Variants in SMC1B observed in about 807,000 individuals in gnomAD.
SMC1B encodes the protein structural maintenance of chromosomes protein 1B.
A neutral mutation model predicts 157.9 loss-of-function variants in SMC1B; 60 were observed. That is an observed-to-expected ratio of 0.38 (90% CI 0.31 to 0.47). SMC1B has a LOEUF of 0.47. SMC1B is among the 20% of genes least tolerant of loss of function. The pLI is 0.99. For missense variants in SMC1B, 1,165 were observed against 1,426.2 expected (o/e 0.82, Z 2.95); for synonymous variants, 445 against 483.0 (o/e 0.92, Z 1.03).
chr22:45,404,378 G>A (rs556167714), intron 4 of SMC1B, among the ~76,000 whole-genome samples: 5 of 152,260 alleles, frequency 3.3e-5, no homozygotes, highest in South Asian at 2.1e-4. Flanking sequence ...TGAAATAGCC[G>A]TGCAAAGTTG....
intron 15 of SMC1B, among the ~76,000 whole-genome samples, chr22:45,364,825 T>C (rs911891115): frequency 5.9e-4 from 1 of 1,688 alleles, no homozygotes; most frequent in African/African-American, 5.2e-3. Flanking sequence ...TCTCTTTTCC[T>C]TTTTTTTTTT....
chr22:45,354,252 C>T, intron 20 of SMC1B, 120 bp from the exon 21 acceptor site: 1 of 698,276 alleles, frequency 1.4e-6, no homozygotes, highest in Non-Finnish European at 2.2e-6. Context: ...AGTAAAGGTA[C>T]CTTCAAAATA....
chr22:45,385,345 TAAAGA>T (rs2086979746), intron 11 of SMC1B, among the ~76,000 whole-genome samples: 1 of 152,070 alleles, frequency 6.6e-6, no homozygotes, highest in African/African-American at 2.4e-5. Flanking sequence ...AATGTTTGAC[TAAAGA>T]AAATTCTATA....
intron 23 of SMC1B, among the ~76,000 whole-genome samples, chr22:45,346,376 G>A (rs1368783350): frequency 6.6e-6 from 1 of 152,210 alleles, no homozygotes. Context: ...GAAATGAGAA[G>A]TGCAAAATGG....
At position 45,409,504 on chromosome 22, in the gene SMC1B, G is replaced by A. The variant is rs2146858662; in HGVS notation, c.110-606C>T. Among the ~76,000 whole-genome samples, 4 of 152,096 alleles carry A rather than the reference G, an allele frequency of 2.6e-5. No individual in the cohort carries two copies. In the Middle Eastern group the frequency reaches 0.01, roughly 388 times the overall value. On this transcript the variant is annotated intron_variant, in intron 1 of 24. Coordinates refer to ENST00000357450, the MANE Select transcript of SMC1B (RefSeq NM_148674.5). The stretch of plus-strand genomic sequence containing the variant: ...TGCTTGAACCTAGGAGGCGGTGGTT[G>A]CAGTGAGCCGAGATTGCACCACTGC...
chr22:45,371,738 A>C, intron 13 of SMC1B, 151 bp from the exon 14 acceptor site: 3 of 1,007,340 alleles, frequency 3.0e-6, no homozygotes, highest in South Asian at 1.9e-5. Flanking sequence ...CACATAAATA[A>C]TTAAGGGACT....
At chr22:45,388,479 G>C (rs2087015084) in intron 10 of SMC1B, among the ~76,000 whole-genome samples, 1 of 152,272 alleles carries the variant, frequency 6.6e-6, no homozygotes, top group South Asian at 2.1e-4. Flanking sequence ...ATGGGGTAAA[G>C]AGTTTTAGTG....
chr22:45,392,214 G>A (rs1224405982), intron 9 of SMC1B, among the ~76,000 whole-genome samples: 4 of 152,014 alleles, frequency 2.6e-5, no homozygotes, highest in African/African-American at 7.2e-5. Context: ...CTCCCAAAGC[G>A]CTGGGATTAC....
chr22:45,382,697 T>C (rs1219562777), intron 12 of SMC1B, among the ~76,000 whole-genome samples: 1 of 152,208 alleles, frequency 6.6e-6, no homozygotes. Flanking sequence ...ATTTACTTAA[T>C]ACAAATAATT....
chr22:45,397,672 T>C (rs2087140789), intron 6 of SMC1B, among the ~76,000 whole-genome samples: 1 of 152,202 alleles, frequency 6.6e-6, no homozygotes, highest in Non-Finnish European at 1.5e-5. Flanking sequence ...TTCACATTGT[T>C]GTACCCACTT....
chr22:45,394,533 G>A, intron 8 of SMC1B, 152 bp downstream of exon 8: 1 of 891,354 alleles, frequency 1.1e-6, no homozygotes, highest in Non-Finnish European at 1.5e-6. Flanking sequence ...CTCAGCTACA[G>A]GCTGAGGTAG....
Position 45,399,368 on chromosome 22 carries a change from A to C in SMC1B, c.855-15T>G. 1.9e-6 allele frequency: 3 copies of C among 1,572,866 alleles called. No individual in the cohort carries two copies. Among genetic ancestry groups the C allele is most frequent in the Non-Finnish European group, 2.6e-6 (3 of 1,166,632 alleles). On this transcript the variant is annotated splice_polypyrimidine_tract_variant and intron_variant, in intron 5 of 24. Transcript: ENST00000357450. ...TTTCAACCGATCTGAAAAGGGAAAAATGTTTGCTTTAAAGAAAATTTCATT... is the reference window on the plus strand; with the variant it reads ...TTTCAACCGATCTGAAAAGGGAAAACTGTTTGCTTTAAAGAAAATTTCATT...
At chr22:45,401,455 C>G (rs945638019) in intron 5 of SMC1B, among the ~76,000 whole-genome samples, 2 of 152,248 alleles carry the variant, frequency 1.3e-5, no homozygotes, top group Non-Finnish European at 2.9e-5. Context: ...GCTCCATCTT[C>G]CCTTTTCTTT....
intron 23 of SMC1B, among the ~76,000 whole-genome samples, chr22:45,348,762 G>A (rs969779262): frequency 1.1e-4 from 16 of 149,068 alleles, no homozygotes; most frequent in African/African-American, 2.5e-4. Flanking sequence ...GCAGTGGCAC[G>A]GTCTCGGCTC....
rs555634181 is a variant in SMC1B, at chr22:45,412,483, G to A, written c.109+976C>T. Among the ~76,000 whole-genome samples, 22 of 145,666 alleles carry A rather than the reference G, an allele frequency of 1.5e-4. 1 individual carries two copies. In the South Asian group the frequency reaches 4.4e-3, roughly 29 times the overall value. ...TAAAGTGCTGGAATTACAGGTGTGA[G>A]CCACCGCGCCCAGCCTTTTTTTTTT... On this transcript the variant is annotated intron_variant, in intron 1 of 24. Coordinates refer to ENST00000357450, the MANE Select transcript of SMC1B (RefSeq NM_148674.5).
chr22:45,371,553 A>G lies in SMC1B; in HGVS notation c.2231T>C (p.Ile744Thr), dbSNP rs566596184. The G allele has an allele frequency of 6.3e-7, 1 of 1,593,328 alleles. No homozygotes were observed. The highest frequency in any genetic ancestry group is 1.8e-5 in the Admixed American group (1 of 55,288). ...QSQLQSELLNIESQCIMLSEG... is the reference protein window; with the variant it reads ...QSQLQSELLNTESQCIMLSEG... Reference sequence around the variant, plus strand: ...ACTCAACATAATACATTGAGACTCAATATTTAGTAGTTCACTTTGTAACTG... The same window carrying G: ...ACTCAACATAATACATTGAGACTCAGTATTTAGTAGTTCACTTTGTAACTG... The change falls in exon 14 of 25, where the codon ATT (isoleucine) becomes ACT (threonine). Residue 744 changes from isoleucine (I) to threonine (T), a missense_variant. Coordinates refer to ENST00000357450, the MANE Select transcript of SMC1B (RefSeq NM_148674.5).
rs772024915 is a variant in SMC1B at position 45,371,582 on chromosome 22, T to C, written c.2202A>G (p.Gln734=). The change falls in exon 14 of 25, where the codon CAA becomes CAG. Residue 734 remains glutamine, a synonymous_variant. Transcript: ENST00000357450. ...KKHLVAFYQE[Q]SQLQSELLNI... Reference sequence around the variant, plus strand: ...TTAGTAGTTCACTTTGTAACTGAGATTGTTCCTAATAACAAAAGAGAAAAA... The same window carrying C: ...TTAGTAGTTCACTTTGTAACTGAGACTGTTCCTAATAACAAAAGAGAAAAA... 1.9e-6 allele frequency: 3 copies of C among 1,582,374 alleles called. No homozygotes were observed. The highest frequency in any genetic ancestry group is 2.6e-6 in the Non-Finnish European group (3 of 1,169,224).
chr22:45,350,523 G>A (rs1602044295), intron 22 of SMC1B, among the ~76,000 whole-genome samples: 1 of 152,246 alleles, frequency 6.6e-6, no homozygotes, highest in Non-Finnish European at 1.5e-5. Context: ...TGATCTGCCT[G>A]CCTCAGCCTC....
At chr22:45,346,019 C>CA (rs953201864) in intron 23 of SMC1B, among the ~76,000 whole-genome samples, 34 of 151,952 alleles carry the variant, frequency 2.2e-4, no homozygotes, top group African/African-American at 6.8e-4. Context: ...GCCTGGCCAA[C>CA]ATGGTGAACC....
Sources: gnomAD v4.1 joint callset for allele counts (sites outside exome capture counted in the v4.1 genomes callset) on GRCh38, gnomAD v4.1.1 for gene constraint, MANE v1.5 for transcripts, NCBI Gene and HGNC (gene_info 2026-07-23, HGNC 2026-07-21) for gene names.